Variants in SMG1 observed in about 807,000 individuals in gnomAD.
SMG1 encodes the protein serine/threonine-protein kinase SMG1.
Under a neutral mutation model 419.9 loss-of-function variants are expected in SMG1, and 22 were observed. The observed-to-expected ratio is 0.05, with a 90% CI of 0.04 to 0.07. The LOEUF is 0.07. SMG1 is among the 10% of genes least tolerant of loss of function. The pLI, the probability that SMG1 is intolerant of heterozygous loss-of-function variation, is 1.00. For missense variants in SMG1, 3,185 were observed against 4,342.0 expected (o/e 0.73, Z 7.49); for synonymous variants, 1,538 against 1,553.5 (o/e 0.99, Z 0.23).
At chr16:18,837,222 A>G (rs777487377) in intron 46 of SMG1, 31 bp downstream of exon 46, 18 of 1,530,068 alleles carry the variant, frequency 1.2e-5, no homozygotes, top group Middle Eastern at 3.5e-4. Flanking sequence ...TTAATGGCAC[A>G]TATTTAGAAG....
intron 60 of SMG1, 26 bp from the exon 61 acceptor site, chr16:18,812,153 A>G: frequency 6.3e-7 from 1 of 1,599,866 alleles, no homozygotes; most frequent in South Asian, 1.1e-5. Context: ...TGGTGGCTCA[A>G]TTTACATGTA....
At chr16:18,846,634 T>C (rs567372210) in intron 38 of SMG1, among the ~76,000 whole-genome samples, 11 of 152,274 alleles carry the variant, frequency 7.2e-5, no homozygotes, top group South Asian at 2.1e-4. Flanking sequence ...TCAACATCAC[T>C]AGTCATTAGG....
rs1441289418 is a variant in SMG1, at chr16:18,835,067, T to C, written c.8155A>G (p.Ser2719Gly). 1.9e-6 allele frequency: 3 copies of C among 1,614,054 alleles called. No individual in the cohort carries two copies. The highest frequency in any genetic ancestry group is 2.5e-6 in the Non-Finnish European group (3 of 1,179,900). ...TLQRYAADINSRLIRQVERLK... is the reference protein window; with the variant it reads ...TLQRYAADINGRLIRQVERLK... ...CGTTCCACTTGTCTAATAAGTCTGC[T>C]GTTGATGTCTGCTGCGTATCGCTGC... Residue 2719 changes from serine to glycine, a missense_variant, in exon 49 of 63, where the codon AGC (serine) becomes GGC (glycine). Coordinates refer to ENST00000446231, the MANE Select transcript of SMG1 (RefSeq NM_015092.5).
In SMG1 at chr16:18,870,871, T is replaced by C. The variant is rs1275433155; in HGVS notation, c.2320A>G (p.Asn774Asp). Residue 774 changes from asparagine to aspartate, a missense_variant, in exon 17 of 63, where the codon AAT (asparagine) becomes GAT (aspartate). By Grantham distance (23) the Asn-to-Asp change is conservative (BLOSUM62 1). Coordinates refer to ENST00000446231, the MANE Select transcript of SMG1 (RefSeq NM_015092.5). ...CTGCTGCATGCCTGCAGACAGATATTCACATCTTCAACGAGAGCTATTAAA... is the reference window on the plus strand; with the variant it reads ...CTGCTGCATGCCTGCAGACAGATATCCACATCTTCAACGAGAGCTATTAAA... ...LLANTLVEDV[N>D]ICLQACSSLH... 12 of 1,567,716 alleles carry C rather than the reference T, an allele frequency of 7.7e-6. No individual in the cohort carries two copies. Among genetic ancestry groups the C allele is most frequent in the Non-Finnish European group, 9.5e-6 (11 of 1,153,646 alleles).
In SMG1 at chr16:18,837,995, T is replaced by G; in HGVS notation, c.7413+19A>C. The stretch of plus-strand genomic sequence containing the variant: ...TTAATAAAAAGAAGACAATGACTTA[T>G]TCCGTCACTGGGCTTCACCTTAATC... On this transcript the variant is annotated intron_variant, in intron 45 of 62. Coordinates refer to ENST00000446231, the MANE Select transcript of SMG1 (RefSeq NM_015092.5). 6.2e-7 allele frequency: 1 copy of G among 1,610,782 alleles called. No individual in the cohort carries two copies. The highest frequency in any genetic ancestry group is 8.5e-7 in the Non-Finnish European group (1 of 1,177,746).
At chr16:18,846,091 G>C (rs1406678611) in intron 38 of SMG1, among the ~76,000 whole-genome samples, 4 of 152,042 alleles carry the variant, frequency 2.6e-5, no homozygotes, top group Non-Finnish European at 4.4e-5. Flanking sequence ...CAGAATTACA[G>C]GTATGAGTCA....
intron 56 of SMG1, among the ~76,000 whole-genome samples, chr16:18,818,394 C>CA (rs1000454612): frequency 1.3e-4 from 20 of 151,210 alleles, no homozygotes; most frequent in Non-Finnish European, 2.1e-4. Flanking sequence ...TCAAAAAAAA[C>CA]AAAAAAAATT....
At chr16:18,900,634 T>G (rs949250614) in intron 1 of SMG1, among the ~76,000 whole-genome samples, 2 of 152,206 alleles carry the variant, frequency 1.3e-5, no homozygotes, top group African/African-American at 4.8e-5. Flanking sequence ...TTCAAATTGC[T>G]TTTACCTAGG....
intron 6 of SMG1, 44 bp from the exon 7 acceptor site, chr16:18,885,710 G>A: frequency 1.3e-6 from 2 of 1,585,690 alleles, no homozygotes; most frequent in South Asian, 1.1e-5. Flanking sequence ...CAACAAAATA[G>A]GGAGAAAACA....
At chr16:18,887,521 T>TTTTTTTTTTC (rs2036668690) in intron 6 of SMG1, among the ~76,000 whole-genome samples, 1 of 140,326 alleles carries the variant, frequency 7.1e-6, no homozygotes, top group African/African-American at 2.6e-5. Context: ...TTTTCCTTTT[T>TTTTTTTTTTC]TTTTTTTTTT....
intron 46 of SMG1, 100 bp from the exon 47 acceptor site, chr16:18,836,632 G>T: frequency 1.6e-6 from 2 of 1,263,348 alleles, no homozygotes; most frequent in East Asian, 4.7e-5. Context: ...TGTCTGGTAC[G>T]CTCCTTGTTC....
chr16:18,877,409 A>G (rs12935007), intron 11 of SMG1, 177 bp from the exon 12 acceptor site: 239,007 of 470,518 alleles, frequency 0.51, 62,703 homozygotes, highest in Middle Eastern at 0.58. Flanking sequence ...AAGATCAGGG[A>G]TTGCCATGGG....
chr16:18,909,994 CT>C (rs1411516707), intron 1 of SMG1, among the ~76,000 whole-genome samples: 2 of 149,476 alleles, frequency 1.3e-5, no homozygotes, highest in African/African-American at 5.1e-5. Context: ...TTATAATTCC[CT>C]TTTACAAGAA....
intron 1 of SMG1, among the ~76,000 whole-genome samples, chr16:18,915,108 A>G (rs554238356): frequency 6.6e-6 from 1 of 152,068 alleles, no homozygotes; most frequent in South Asian, 2.1e-4. Context: ...AATAGCTGGG[A>G]CTACAGGTGT....
intron 23 of SMG1, among the ~76,000 whole-genome samples, chr16:18,865,179 T>A (rs1461049831): frequency 2.0e-5 from 3 of 152,138 alleles, no homozygotes; most frequent in Non-Finnish European, 4.4e-5. Context: ...CAGGAAAAAT[T>A]GAGAGGCCAC....
Position 18,859,661 on chromosome 16 carries a change from C to T in SMG1, c.3848G>A (p.Arg1283Lys). ...LLPNMLSPDP[R>K]ELQKSIEVQL... ...AACTTCAATGGATTTCTGAAGTTCC[C>T]TCGGATCCGGACTTAACATGTTAGG... Residue 1283 changes from arginine to lysine, a missense_variant, in exon 27 of 63, where the codon AGG becomes AAG. This residue lies in a region of SMG1 where 120 missense variants were observed against 193.3 expected (regional missense o/e 0.62). Coordinates refer to ENST00000446231, the MANE Select transcript of SMG1 (RefSeq NM_015092.5). The T allele has an allele frequency of 3.7e-6, 6 of 1,613,378 alleles. No homozygotes were observed. Among genetic ancestry groups the T allele is most frequent in the South Asian group, 1.1e-5 (1 of 90,970 alleles).
intron 38 of SMG1, among the ~76,000 whole-genome samples, chr16:18,846,756 C>T (rs747628627): frequency 6.6e-6 from 1 of 152,178 alleles, no homozygotes; most frequent in African/African-American, 2.4e-5. Context: ...AACTGGAACC[C>T]TCATGCATGG....
At position 18,926,305 on chromosome 16, in the gene SMG1, C is replaced by T; in HGVS notation, c.-264G>A. 6.2e-6 allele frequency: 3 copies of T among 485,732 alleles called. No homozygotes were observed. Among genetic ancestry groups the T allele is most frequent in the South Asian group, 5.5e-5 (2 of 36,594 alleles). 30.1% of individuals were successfully genotyped at this position (485,732 alleles called of 1,614,324 possible). Reference sequence around the variant, plus strand: ...AGAGAGGCGGATGAAGGGGAGGCGACGTCTTTTCCAGGGCCGTGCGCGGCC... The same window carrying T: ...AGAGAGGCGGATGAAGGGGAGGCGATGTCTTTTCCAGGGCCGTGCGCGGCC... On this transcript the variant is annotated 5_prime_UTR_variant, in exon 1 of 63. Transcript: ENST00000446231.
chr16:18,830,623 A>C (rs2033108918), intron 51 of SMG1, among the ~76,000 whole-genome samples: 1 of 152,150 alleles, frequency 6.6e-6, no homozygotes, highest in African/African-American at 2.4e-5. Context: ...CCCCGTCTCT[A>C]CTAAAAATAC....
Sources: gnomAD v4.1 joint callset for allele counts (sites outside exome capture counted in the v4.1 genomes callset) on GRCh38, gnomAD v4.1.1 for gene constraint, gnomAD v4.1.1 regional missense constraint, MANE v1.5 for transcripts, NCBI Gene and HGNC (gene_info 2026-07-23, HGNC 2026-07-21) for gene names.